CSDE1: variants seen among roughly 807,000 people sequenced by gnomAD.
The protein encoded by CSDE1 is cold shock domain-containing protein E1.
Under a neutral mutation model 89.3 loss-of-function variants are expected in CSDE1, and 17 were observed. The ratio of observed to expected loss-of-function variants is 0.19; its 90% confidence interval spans 0.13 to 0.29. The LOEUF (loss-of-function observed/expected upper bound fraction) is 0.29. Ranked by LOEUF, CSDE1 falls within the 10% of genes least tolerant of loss-of-function variation. The probability of loss-of-function intolerance (pLI) is 1.00; values close to 1 mark genes in which losing one functional copy is unlikely to be tolerated. For missense variants in CSDE1, 672 were observed against 984.2 expected, an observed-to-expected ratio of 0.68 and a Z score of 4.24; for synonymous variants, 322 against 332.8, an observed-to-expected ratio of 0.97 and a Z score of 0.35.
chr1:114,723,317 G>C (rs1341384048), intron 16 of CSDE1, among the ~76,000 whole-genome samples: 1 of 152,186 alleles, frequency 6.6e-6, no homozygotes, highest in Non-Finnish European at 1.5e-5. Context: ...GATGGTGACT[G>C]TTGGGGGAAC....
chr1:114,718,805 G>C, intron 18 of CSDE1, 60 bp from the exon 19 acceptor site: 1 of 1,585,102 alleles, frequency 6.3e-7, no homozygotes, highest in Non-Finnish European at 8.6e-7. Context: ...GCAAGCACTT[G>C]CAAAGGAGTG....
At chr1:114,738,205 A>G (rs952353160) in intron 3 of CSDE1, 133 bp from the exon 4 acceptor site, 63 of 673,088 alleles carry the variant, frequency 9.4e-5, no homozygotes, top group Non-Finnish European at 3.4e-5. Flanking sequence ...CTGGACCAGC[A>G]GCATTAACAT....
chr1:114,743,645 T>C (rs1319074624), intron 2 of CSDE1, among the ~76,000 whole-genome samples: 1 of 152,180 alleles, frequency 6.6e-6, no homozygotes, highest in Non-Finnish European at 1.5e-5. Context: ...GAGATAGAAA[T>C]CCTCTTTTTC....
chr1:114,723,580 A>G (rs972499999), intron 16 of CSDE1, among the ~76,000 whole-genome samples: 5 of 152,142 alleles, frequency 3.3e-5, no homozygotes, highest in Admixed American at 6.6e-5. Context: ...TTTGATTATC[A>G]TACACTCAAC....
rs1035804480 is a variant in CSDE1 at position 114,732,821 on chromosome 1, T to A, written c.838-5A>T. 2 of 1,612,768 alleles carry A rather than the reference T, an allele frequency of 1.2e-6. No homozygotes were observed. The highest frequency in any genetic ancestry group is 3.3e-5 in the Admixed American group (2 of 59,954). Reference sequence around the variant, plus strand: ...GCGTCCTGGCAATGGGTCATTCTGATGAGAAGGAAAAACGATTTTAGCTGG... The same window carrying A: ...GCGTCCTGGCAATGGGTCATTCTGAAGAGAAGGAAAAACGATTTTAGCTGG... On this transcript the variant is annotated splice_polypyrimidine_tract_variant and splice_region_variant and intron_variant, in intron 9 of 19. Transcript: ENST00000358528.
intron 2 of CSDE1, among the ~76,000 whole-genome samples, chr1:114,740,468 T>C (rs1660664271): frequency 6.6e-6 from 1 of 152,192 alleles, no homozygotes; most frequent in Admixed American, 6.5e-5. Context: ...CTATCCAAAA[T>C]AGTGCAGTAG....
intron 3 of CSDE1, 91 bp from the exon 4 acceptor site, chr1:114,738,163 G>T: frequency 1.0e-6 from 1 of 963,622 alleles, no homozygotes. Flanking sequence ...CATTTGAATT[G>T]CCTTAGACCA....
At chr1:114,720,847 G>C in intron 16 of CSDE1, 130 bp from the exon 17 acceptor site, 1 of 781,742 alleles carries the variant, frequency 1.3e-6, no homozygotes, top group African/African-American at 1.8e-5. Context: ...TCAGTACTCA[G>C]AAGTTTCACC....
rs1049610359 is a variant in CSDE1, at chr1:114,737,650, T to C, written c.310-87A>G. 3 of 964,158 alleles carry C rather than the reference T, an allele frequency of 3.1e-6. No homozygotes were observed. The African/African-American group carries it at 4.9e-5, about 16-fold the overall frequency. The allele number at this position is 964,158 out of a possible 1,614,324, so 59.7% of individuals were successfully genotyped here. A position where few individuals can be genotyped will look rare whatever the true frequency, so the allele number is the denominator to read the frequency against. On this transcript the variant is annotated intron_variant, in intron 4 of 19. Coordinates refer to ENST00000358528, the MANE Select transcript of CSDE1 (RefSeq NM_001007553.3). ...ATAAACTGAATTTTAATATCCTCTA[T>C]ACTATATACAGGGATGCATTTTAAT...
intron 2 of CSDE1, among the ~76,000 whole-genome samples, chr1:114,747,864 G>GAA: frequency 7.1e-6 from 1 of 140,886 alleles, no homozygotes; most frequent in South Asian, 2.3e-4. Flanking sequence ...TCTCAGAGAG[G>GAA]AAAAAAAAAA....
Position 114,738,729 on chromosome 1 carries a change from G to A in CSDE1, c.200-657C>T, listed in dbSNP as rs146591434. Among the ~76,000 whole-genome samples, 593 of 137,330 alleles carry A rather than the reference G, an allele frequency of 4.3e-3. 2 individuals carry two copies. Among genetic ancestry groups the A allele is most frequent in the African/African-American group, 0.015 (547 of 35,632 alleles). 90.1% of individuals were successfully genotyped at this position (137,330 alleles called of 152,430 possible). On this transcript the variant is annotated intron_variant, in intron 3 of 19. Coordinates refer to ENST00000358528, the MANE Select transcript of CSDE1 (RefSeq NM_001007553.3). Reference sequence around the variant, plus strand: ...CCTGTCACCCAAGCTGGAGTGCAGCGGCACGATCTCAGCTCACTGCAACCT... The same window carrying A: ...CCTGTCACCCAAGCTGGAGTGCAGCAGCACGATCTCAGCTCACTGCAACCT...
chr1:114,722,475 A>C (rs959705184), intron 16 of CSDE1, among the ~76,000 whole-genome samples: 1 of 152,360 alleles, frequency 6.6e-6, no homozygotes, highest in Non-Finnish European at 1.5e-5. Flanking sequence ...AAGTCTTAGT[A>C]TAAGTTACAG....
At chr1:114,740,289 T>C (rs1660650234) in intron 2 of CSDE1, among the ~76,000 whole-genome samples, 1 of 152,210 alleles carries the variant, frequency 6.6e-6, no homozygotes, top group Non-Finnish European at 1.5e-5. Context: ...AGAGATTTGG[T>C]AACGCTATTT....
intron 1 of CSDE1, among the ~76,000 whole-genome samples, chr1:114,752,245 CA>C (rs1661345886): frequency 6.6e-6 from 1 of 152,030 alleles, no homozygotes; most frequent in South Asian, 2.1e-4. Flanking sequence ...TCTCAAAAAA[CA>C]AAACAAAACA....
At chr1:114,720,768 G>A in intron 16 of CSDE1, 51 bp from the exon 17 acceptor site, 1 of 1,539,184 alleles carries the variant, frequency 6.5e-7, no homozygotes, top group East Asian at 2.3e-5. Context: ...ACAGTCCTCT[G>A]CTGATGACCC....
At chr1:114,737,027 T>C (rs1436845711) in intron 5 of CSDE1, among the ~76,000 whole-genome samples, 172 bp from the exon 6 acceptor site, 1 of 152,204 alleles carries the variant, frequency 6.6e-6, no homozygotes, top group African/African-American at 2.4e-5. Context: ...CCCTCCATGG[T>C]GCTGATGACT....
intron 8 of CSDE1, 32 bp from the exon 9 acceptor site, chr1:114,733,889 G>A: frequency 6.2e-7 from 1 of 1,610,994 alleles, no homozygotes; most frequent in South Asian, 1.1e-5. Flanking sequence ...GTGGTGGGGG[G>A]ACAGAGGAAG....
At chr1:114,745,199 A>G (rs1050600876) in intron 2 of CSDE1, among the ~76,000 whole-genome samples, 1 of 152,192 alleles carries the variant, frequency 6.6e-6, no homozygotes, top group Non-Finnish European at 1.5e-5. Context: ...AAATGTGGAG[A>G]TATTTTTCTT....
chr1:114,754,239 T>A (rs565028930), intron 1 of CSDE1, among the ~76,000 whole-genome samples: 9 of 152,250 alleles, frequency 5.9e-5, no homozygotes, highest in African/African-American at 1.9e-4. Flanking sequence ...GTGACCCACC[T>A]GCCTCAGCCC....
Sources: allele counts gnomAD v4.1 joint callset (sites outside exome capture counted in the v4.1 genomes callset), GRCh38; gene constraint gnomAD v4.1.1; transcripts MANE v1.5; gene names NCBI Gene and HGNC (gene_info 2026-07-23, HGNC 2026-07-21).